Variants in ANO10 observed in about 807,000 individuals in gnomAD.
ANO10 encodes anoctamin-10.
ANO10 carries 77 observed loss-of-function variants against 74.7 expected under a neutral mutation model. The ratio of observed to expected loss-of-function variants is 1.03; its 90% CI spans 0.86 to 1.25. The LOEUF is 1.25. Ranked by LOEUF, ANO10 falls within the 50% of genes most tolerant of loss-of-function variation. The probability of loss-of-function intolerance (pLI) is 0.00; values close to 1 mark genes in which losing one functional copy is unlikely to be tolerated. For synonymous variants in ANO10, 279 were observed against 284.9 expected, an observed-to-expected ratio of 0.98 and a Z score of 0.21; for missense variants, 721 against 778.1, an observed-to-expected ratio of 0.93 and a Z score of 0.87.
At chr3:43,648,872 T>C (rs752280560) in intron 1 of ANO10, among the ~76,000 whole-genome samples, 9 of 151,932 alleles carry the variant, frequency 5.9e-5, no homozygotes, top group Non-Finnish European at 8.8e-5. Flanking sequence ...AGAGACGGGG[T>C]TTCATCGTGT....
intron 11 of ANO10, among the ~76,000 whole-genome samples, chr3:43,515,068 T>G (rs967126301): frequency 6.6e-6 from 1 of 152,008 alleles, no homozygotes; most frequent in Non-Finnish European, 1.5e-5. Flanking sequence ...AGCAAAGAAA[T>G]AGAAAATAGT....
intron 1 of ANO10, among the ~76,000 whole-genome samples, chr3:43,639,636 CCTGTAATCCCAGCT>C (rs1238439810): frequency 1.3e-5 from 2 of 152,068 alleles, no homozygotes; most frequent in Admixed American, 6.5e-5. Flanking sequence ...GTGGTGCATG[CCTGTAATCCCAGCT>C]CTGTAATCCC....
At chr3:43,672,013 T>C (rs1279500492) in intron 1 of ANO10, among the ~76,000 whole-genome samples, 1 of 152,212 alleles carries the variant, frequency 6.6e-6, no homozygotes, top group Admixed American at 6.5e-5. Flanking sequence ...GAGGGTTTAT[T>C]GTGCAGCTGA....
At chr3:43,484,870 C>T in intron 11 of ANO10, 1 of 579,760 alleles carries the variant, frequency 1.7e-6, no homozygotes, top group Non-Finnish European at 3.0e-6. Flanking sequence ...TCTCCGCCAA[C>T]AGGCATGACC....
At chr3:43,511,550 C>G (rs2077508550) in intron 11 of ANO10, among the ~76,000 whole-genome samples, 1 of 152,160 alleles carries the variant, frequency 6.6e-6, no homozygotes, top group Non-Finnish European at 1.5e-5. Flanking sequence ...TAAACAGAGT[C>G]AAGCAGAGCC....
intron 1 of ANO10, among the ~76,000 whole-genome samples, chr3:43,644,919 A>G (rs960785802): frequency 3.9e-5 from 6 of 152,152 alleles, no homozygotes; most frequent in African/African-American, 1.4e-4. Context: ...AACCCTTTTC[A>G]GGTATGCCTT....
chr3:43,567,517 G>T (rs2080433420), intron 7 of ANO10, among the ~76,000 whole-genome samples: 1 of 151,964 alleles, frequency 6.6e-6, no homozygotes, highest in African/African-American at 2.4e-5. Flanking sequence ...GAAGAGAGTG[G>T]GGGCCAATAT....
chr3:43,542,444 G>T (rs1171812211), intron 11 of ANO10, among the ~76,000 whole-genome samples: 1 of 152,166 alleles, frequency 6.6e-6, no homozygotes, highest in African/African-American at 2.4e-5. Context: ...GCAATGCTAT[G>T]ATGGAGAGCC....
chr3:43,599,855 G>A (rs953297244), intron 3 of ANO10, among the ~76,000 whole-genome samples: 6 of 151,160 alleles, frequency 4.0e-5, no homozygotes, highest in African/African-American at 9.7e-5. Context: ...GCAGTGAGCC[G>A]AGATAGCACC....
At chr3:43,619,084 G>T (rs184091174) in intron 1 of ANO10, among the ~76,000 whole-genome samples, 1 of 152,218 alleles carries the variant, frequency 6.6e-6, no homozygotes, top group African/African-American at 2.4e-5. Context: ...GATTACAGGC[G>T]TGAGCCACCG....
In ANO10 at chr3:43,381,295, C is replaced by T. The variant is rs536712021; in HGVS notation, c.1915-14321G>A. ...GCAGAAGGGAAAAGAATTCACCAAC[C>T]AAGTATCTGCTGCTGCCTTCAGGAG... On this transcript the variant is annotated intron_variant, in intron 12 of 12. Transcript: ENST00000292246. Among the ~76,000 whole-genome samples, 8 of 152,244 alleles carry T rather than the reference C, an allele frequency of 5.3e-5. No individual in the cohort carries two copies. The East Asian group carries it at 1.5e-3, about 29-fold the overall frequency.
At chr3:43,376,578 G>A (rs1303206355) in intron 12 of ANO10, among the ~76,000 whole-genome samples, 4 of 152,186 alleles carry the variant, frequency 2.6e-5, no homozygotes. Context: ...ACATAGGTAA[G>A]AGGGCAACAA....
intron 1 of ANO10, among the ~76,000 whole-genome samples, chr3:43,644,133 T>G (rs980820945): frequency 3.9e-5 from 6 of 152,154 alleles, no homozygotes; most frequent in African/African-American, 7.2e-5. Context: ...TGAAAAGGCT[T>G]TCCGTGTCCC....
intron 1 of ANO10, among the ~76,000 whole-genome samples, chr3:43,615,370 T>TGC (rs2083045634): frequency 6.6e-6 from 1 of 151,534 alleles, no homozygotes; most frequent in Non-Finnish European, 1.5e-5. Flanking sequence ...CAAGCTATTG[T>TGC]GTGTGTGTGT....
intron 11 of ANO10, among the ~76,000 whole-genome samples, chr3:43,519,365 C>T (rs2077850764): frequency 6.6e-6 from 1 of 152,138 alleles, no homozygotes; most frequent in South Asian, 2.1e-4. Context: ...CGCTGGAGCA[C>T]ACTACTTCTT....
intron 4 of ANO10, among the ~76,000 whole-genome samples, chr3:43,586,583 G>A (rs1230004184): frequency 6.6e-6 from 1 of 151,816 alleles, no homozygotes; most frequent in African/African-American, 2.4e-5. Flanking sequence ...AACTGGCATC[G>A]AGCTATGCAA....
chr3:43,549,600 T>G, intron 11 of ANO10, 120 bp downstream of exon 11: 1 of 1,174,980 alleles, frequency 8.5e-7, no homozygotes, highest in Non-Finnish European at 1.3e-6. Flanking sequence ...TGTTTTTGCT[T>G]TCTTACCAGT....
chr3:43,405,646 G>A (rs931945726), intron 12 of ANO10, among the ~76,000 whole-genome samples: 1 of 151,942 alleles, frequency 6.6e-6, no homozygotes, highest in African/African-American at 2.4e-5. Context: ...GTTAATTTTT[G>A]TATTTTTTGT....
chr3:43,554,991 G>A (rs2079668346), intron 10 of ANO10, among the ~76,000 whole-genome samples: 1 of 152,186 alleles, frequency 6.6e-6, no homozygotes, highest in African/African-American at 2.4e-5. Context: ...TACTGGCTGA[G>A]ATGAAGTCTT....
Sources: allele counts gnomAD v4.1 joint callset (sites outside exome capture counted in the v4.1 genomes callset), GRCh38; gene constraint gnomAD v4.1.1; transcripts MANE v1.5; gene names NCBI Gene and HGNC (gene_info 2026-07-23, HGNC 2026-07-21).